RBP7: variants seen among roughly 807,000 people sequenced by gnomAD.
The protein encoded by RBP7 is retinol binding protein 7.
A neutral mutation model predicts 16.7 loss-of-function variants in RBP7; 13 were observed. The ratio of observed to expected loss-of-function variants is 0.78; its 90% CI spans 0.51 to 1.24. The LOEUF (loss-of-function observed/expected upper bound fraction) is 1.24, where lower values mean the gene tolerates loss of function less well. RBP7 is among the 50% of genes most tolerant of loss of function. The pLI, the probability that RBP7 is intolerant of heterozygous loss-of-function variation, is 0.00. For missense variants in RBP7, 145 were observed against 159.5 expected (o/e 0.91, Z 0.49); for synonymous variants, 54 against 56.2 (o/e 0.96, Z 0.17).
At chr1:10,010,948 C>G (rs1453323036) in intron 3 of RBP7, among the ~76,000 whole-genome samples, 1 of 151,994 alleles carries the variant, frequency 6.6e-6, no homozygotes, top group Non-Finnish European at 1.5e-5. Flanking sequence ...AGGCTGGTCT[C>G]GAATTCCTGA....
chr1:10,014,931 T>C (rs1188333293), intron 3 of RBP7, among the ~76,000 whole-genome samples: 1 of 152,142 alleles, frequency 6.6e-6, no homozygotes, highest in Admixed American at 6.6e-5. Flanking sequence ...GGGTAGTTAG[T>C]GCCCAAATTA....
Position 10,008,103 on chromosome 1 carries a change from T to C in RBP7, c.253-70T>C, listed in dbSNP as rs971764744. On this transcript the variant is annotated intron_variant, in intron 2 of 3. Transcript: ENST00000294435. ...GGCTGTTGATTTTGCAAGGGTAACT[T>C]GGCATTCTACTTCGTAACACTTGAG... 29 of 1,008,256 alleles carry C rather than the reference T, an allele frequency of 2.9e-5. No individual in the cohort carries two copies. The African/African-American group carries it at 3.7e-4, about 13-fold the overall frequency. The allele number at this position is 1,008,256 out of a possible 1,614,324, so 62.5% of individuals were successfully genotyped here.
intron 3 of RBP7, among the ~76,000 whole-genome samples, chr1:10,009,497 C>T (rs1642544671): frequency 6.6e-6 from 1 of 151,538 alleles, no homozygotes; most frequent in African/African-American, 2.4e-5. Flanking sequence ...GGTCAGTACA[C>T]CCAAGCTGAA....
At chr1:10,011,756 T>C (rs931233757) in intron 3 of RBP7, among the ~76,000 whole-genome samples, 1 of 152,052 alleles carries the variant, frequency 6.6e-6, no homozygotes, top group Non-Finnish European at 1.5e-5. Context: ...CTTCTGACGA[T>C]AAAAAAGTAA....
intron 1 of RBP7, among the ~76,000 whole-genome samples, chr1:10,002,595 G>T (rs1039668225): frequency 1.3e-5 from 2 of 151,996 alleles, no homozygotes; most frequent in African/African-American, 4.8e-5. Context: ...CTCCTTCTAG[G>T]CTCAAGCGAT....
chr1:10,000,176 C>T (rs866770706), intron 1 of RBP7, among the ~76,000 whole-genome samples: 10 of 151,752 alleles, frequency 6.6e-5, no homozygotes, highest in Middle Eastern at 3.4e-3. Context: ...TGCAGTGAGC[C>T]GAGATTGCGC....
chr1:10,013,404 G>A (rs2101740331), intron 3 of RBP7, among the ~76,000 whole-genome samples: 1 of 152,158 alleles, frequency 6.6e-6, no homozygotes, highest in African/African-American at 2.4e-5. Flanking sequence ...TTTGGTTGCT[G>A]GGTGTGGTGG....
At chr1:10,015,679 T>C in intron 3 of RBP7, 103 bp from the exon 4 acceptor site, 1 of 1,005,898 alleles carries the variant, frequency 9.9e-7, no homozygotes, top group Admixed American at 1.9e-5. Context: ...GAAAAAAACA[T>C]GTTCCAGAAA....
chr1:10,015,950 A>G lies in RBP7; in HGVS notation c.*118A>G. On this transcript the variant is annotated 3_prime_UTR_variant, in exon 4 of 4. Coordinates refer to ENST00000294435, the MANE Select transcript of RBP7 (RefSeq NM_052960.3). ...CGAGGACTCGTGGCTGGAGAGAGCC[A>G]CACAGCGTGTAACCTGAAGTCATCT... The G allele has an allele frequency of 1.2e-6, 1 of 868,362 alleles. No homozygotes were observed. Among genetic ancestry groups the G allele is most frequent in the South Asian group, 1.4e-5 (1 of 70,592 alleles). 53.8% of individuals were successfully genotyped at this position (868,362 alleles called of 1,614,324 possible).
intron 3 of RBP7, among the ~76,000 whole-genome samples, chr1:10,012,469 T>C (rs1263042096): frequency 6.6e-6 from 1 of 151,640 alleles, no homozygotes; most frequent in East Asian, 1.9e-4. Context: ...AGGATTTAGA[T>C]TAGTTGGTTT....
chr1:10,007,816 G>T lies in RBP7; in HGVS notation c.252+68G>T, dbSNP rs751782363. 7 of 1,425,264 alleles carry T rather than the reference G, an allele frequency of 4.9e-6. No individual in the cohort carries two copies. The East Asian group carries it at 1.6e-4, about 33-fold the overall frequency. 88.3% of individuals were successfully genotyped at this position (1,425,264 alleles called of 1,614,324 possible). ...AATCCTAACACTTTGGGAGGCCAAC[G>T]CAGGCGGACCACCTGAGGTCAGTAG... On this transcript the variant is annotated intron_variant, in intron 2 of 3. Transcript: ENST00000294435.
intron 1 of RBP7, among the ~76,000 whole-genome samples, chr1:10,006,726 C>G (rs1168122881): frequency 3.9e-5 from 5 of 129,490 alleles, no homozygotes; most frequent in African/African-American, 1.5e-4. Context: ...AAAGTATATA[C>G]GTGTGTGTGT....
chr1:10,007,204 C>A, intron 1 of RBP7: 1 of 292,870 alleles, frequency 3.4e-6, no homozygotes, highest in Non-Finnish European at 6.6e-6. Context: ...CCTCAGCCTC[C>A]CAAAAGTGCT....
chr1:9,998,387 T>TTTC (rs1553129427), intron 1 of RBP7, among the ~76,000 whole-genome samples: 5 of 127,552 alleles, frequency 3.9e-5, no homozygotes, highest in South Asian at 2.5e-4. Context: ...TGTTTTCTTT[T>TTTC]TTTCTTTCTT....
chr1:10,011,450 C>T (rs1168385096), intron 3 of RBP7, among the ~76,000 whole-genome samples: 2 of 152,188 alleles, frequency 1.3e-5, no homozygotes, highest in African/African-American at 4.8e-5. Context: ...TTACAGCGGC[C>T]TTTCACATGA....
At chr1:10,002,122 C>G (rs1279542891) in intron 1 of RBP7, among the ~76,000 whole-genome samples, 2 of 152,188 alleles carry the variant, frequency 1.3e-5, no homozygotes, top group African/African-American at 4.8e-5. Flanking sequence ...GCCACCACAT[C>G]TGGCCCTACA....
chr1:10,007,814 A>G, intron 2 of RBP7, 66 bp downstream of exon 2: 1 of 1,426,124 alleles, frequency 7.0e-7, no homozygotes, highest in South Asian at 1.3e-5. Context: ...TGGGAGGCCA[A>G]CGCAGGCGGA....
chr1:10,009,100 A>C (rs188686613), intron 3 of RBP7, among the ~76,000 whole-genome samples: 106 of 152,276 alleles, frequency 7.0e-4, no homozygotes, highest in Non-Finnish European at 1.1e-3. Context: ...TGTCAGAAGC[A>C]TCAGAATCCA....
At chr1:9,999,698 C>T (rs1642230309) in intron 1 of RBP7, among the ~76,000 whole-genome samples, 1 of 152,028 alleles carries the variant, frequency 6.6e-6, no homozygotes, top group Non-Finnish European at 1.5e-5. Context: ...AACTGTGTTT[C>T]AACTTCAGAT....
Sources: gnomAD v4.1 joint callset for allele counts (sites outside exome capture counted in the v4.1 genomes callset) on GRCh38, gnomAD v4.1.1 for gene constraint, MANE v1.5 for transcripts, NCBI Gene and HGNC (gene_info 2026-07-23, HGNC 2026-07-21) for gene names.